The following ANO3 variants were observed in gnomAD, a reference collection of about 807,000 sequenced individuals.
The protein encoded by ANO3 is anoctamin-3.
In ANO3, 99 loss-of-function variants were observed where a neutral mutation model predicts 144.8. That is an observed-to-expected ratio of 0.68 (90% CI 0.58 to 0.81). The LOEUF (loss-of-function observed/expected upper bound fraction) is 0.81. Ranked by LOEUF, ANO3 falls within the 30% of genes least tolerant of loss-of-function variation. The pLI, the probability that ANO3 is intolerant of heterozygous loss-of-function variation, is 0.00. For synonymous variants in ANO3, 414 were observed against 392.6 expected (o/e 1.05, Z -0.64); for missense variants, 905 against 1,202.2 (o/e 0.75, Z 3.66).
chr11:26,296,956 C>A (rs1034066168), intron 1 of ANO3, among the ~76,000 whole-genome samples: 1 of 152,040 alleles, frequency 6.6e-6, no homozygotes, highest in African/African-American at 2.4e-5. Context: ...TAGGGTACTC[C>A]AGTCAATCAT....
chr11:26,364,643 A>G (rs1199659581), intron 1 of ANO3, among the ~76,000 whole-genome samples: 1 of 152,118 alleles, frequency 6.6e-6, no homozygotes, highest in African/African-American at 2.4e-5. Flanking sequence ...GTGGGGGTGG[A>G]GGTGCCACAC....
At chr11:26,293,530 C>CATATATATATATATATATATAT (rs375743472) in intron 1 of ANO3, among the ~76,000 whole-genome samples, 1 of 62,434 alleles carries the variant, frequency 1.6e-5, no homozygotes, top group Non-Finnish European at 3.1e-5. Context: ...CTATAAATTC[C>CATATATATATATATATATATAT]ATGTATATAT....
chr11:26,300,489 G>A (rs1053878103), intron 1 of ANO3, among the ~76,000 whole-genome samples: 4 of 152,080 alleles, frequency 2.6e-5, no homozygotes, highest in South Asian at 4.1e-4. Flanking sequence ...GAGAAGAATC[G>A]AGACACACCA....
chr11:26,359,621 G>C (rs1855871311), intron 1 of ANO3, among the ~76,000 whole-genome samples: 1 of 151,954 alleles, frequency 6.6e-6, no homozygotes, highest in East Asian at 2.0e-4. Context: ...GGTCTCCTTA[G>C]AGTCTCTTCT....
intron 17 of ANO3, among the ~76,000 whole-genome samples, chr11:26,605,093 G>C (rs1460685974): frequency 6.6e-6 from 1 of 151,994 alleles, no homozygotes; most frequent in Non-Finnish European, 1.5e-5. Flanking sequence ...TGTTCCATCA[G>C]TACCTATTTT....
At chr11:26,344,427 A>G (rs193096739) in intron 1 of ANO3, among the ~76,000 whole-genome samples, 25 of 146,112 alleles carry the variant, frequency 1.7e-4, no homozygotes, top group African/African-American at 6.1e-4. Context: ...GTGCAGTGGC[A>G]CGATCTCGGC....
chr11:26,630,188 G>A (rs12577083), intron 18 of ANO3, among the ~76,000 whole-genome samples: 25,876 of 152,136 alleles, frequency 0.17, 2,591 homozygotes, highest in East Asian at 0.33. Flanking sequence ...ATCAAGAATG[G>A]CCCACAAATA....
In ANO3 at chr11:26,292,360, T is replaced by C. The variant is rs942586994; in HGVS notation, c.155-17285T>C. 1.1e-4 allele frequency among the ~76,000 whole-genome samples: 16 copies of C among 152,318 alleles called. No homozygotes were observed. The South Asian group carries it at 3.3e-3, about 32-fold the overall frequency. ...TTCTTTGTAATGAGTTCCAACATCC[T>C]ATTTTAGCTCAGAGAAGTTTGTTAT... On this transcript the variant is annotated intron_variant, in intron 1 of 27. Transcript: ENST00000672621.
chr11:26,447,137 T>C (rs1858729517), intron 3 of ANO3, among the ~76,000 whole-genome samples: 1 of 145,586 alleles, frequency 6.9e-6, no homozygotes. Context: ...AGCCCAGGAG[T>C]TGGAGGCTAC....
intron 11 of ANO3, among the ~76,000 whole-genome samples, chr11:26,546,896 G>T (rs2134216388): frequency 6.6e-6 from 1 of 151,902 alleles, no homozygotes; most frequent in South Asian, 2.1e-4. Context: ...CGTTAACCAG[G>T]GTAAGTGCCA....
intron 14 of ANO3, among the ~76,000 whole-genome samples, chr11:26,580,786 A>G (rs1452922463): frequency 1.3e-5 from 2 of 152,222 alleles, no homozygotes; most frequent in Non-Finnish European, 2.9e-5. Context: ...ATAAAGCAAA[A>G]GTCCTCTAAC....
At chr11:26,299,541 CTT>C (rs369790440) in intron 1 of ANO3, among the ~76,000 whole-genome samples, 10 of 148,736 alleles carry the variant, frequency 6.7e-5, no homozygotes, top group Non-Finnish European at 1.5e-4. Context: ...GAGAGATTGC[CTT>C]TTTTTTTTCC....
Position 26,441,941 on chromosome 11 carries a change from A to G in ANO3, c.70A>G (p.Ile24Val). Residue 24 changes from isoleucine (I) to valine (V), a missense_variant, in exon 2 of 27, where the codon ATA becomes GTA. Transcript: ENST00000256737. ...QKGMNISKSE[I>V]TKETSLKPSR... is the part of the protein sequence containing the mutation. The stretch of plus-strand genomic sequence containing the variant: ...AGGTATGAATATAAGCAAGAGTGAG[A>G]TAACAAAAGAAACTTCGTTAAAACC... 6.2e-7 allele frequency: 1 copy of G among 1,613,684 alleles called. No homozygotes were observed. The highest frequency in any genetic ancestry group is 8.5e-7 in the Non-Finnish European group (1 of 1,179,886).
chr11:26,303,907 T>C (rs1408923748), intron 1 of ANO3, among the ~76,000 whole-genome samples: 3 of 151,816 alleles, frequency 2.0e-5, no homozygotes, highest in Non-Finnish European at 4.4e-5. Context: ...TTTAGTAGAG[T>C]AGGGGTTTCA....
intron 12 of ANO3, 51 bp downstream of exon 12, chr11:26,547,601 G>T: frequency 6.6e-7 from 1 of 1,524,860 alleles, no homozygotes; most frequent in Non-Finnish European, 9.1e-7. Flanking sequence ...TTCTGAATGG[G>T]CAAAAGTTTA....
intron 14 of ANO3, among the ~76,000 whole-genome samples, chr11:26,584,072 C>T (rs1481724199): frequency 6.6e-6 from 1 of 152,114 alleles, no homozygotes; most frequent in Admixed American, 6.6e-5. Context: ...ATTTTTTCAA[C>T]TAGAATTGAT....
At chr11:26,226,783 A>T (rs918439627) in intron 1 of ANO3, among the ~76,000 whole-genome samples, 3 of 152,072 alleles carry the variant, frequency 2.0e-5, no homozygotes, top group Admixed American at 6.6e-5. Context: ...TTATTTTTTT[A>T]AAATACACGT....
chr11:26,531,660 G>A (rs941438175), intron 8 of ANO3, among the ~76,000 whole-genome samples: 1 of 151,912 alleles, frequency 6.6e-6, no homozygotes, highest in Non-Finnish European at 1.5e-5. Context: ...TAGGATTACT[G>A]TTAATTAGCA....
intron 18 of ANO3, 145 bp from the exon 19 acceptor site, chr11:26,634,059 C>T: frequency 6.7e-6 from 3 of 446,250 alleles, no homozygotes; most frequent in East Asian, 3.3e-5. Context: ...GCCTGGGCAA[C>T]AGAGAGTGAG....
Sources: gnomAD v4.1 joint callset for allele counts (sites outside exome capture counted in the v4.1 genomes callset) on GRCh38, gnomAD v4.1.1 for gene constraint, MANE v1.5 for transcripts, NCBI Gene and HGNC (gene_info 2026-07-23, HGNC 2026-07-21) for gene names.